PTGER4: variants seen among roughly 807,000 people sequenced by gnomAD.
PTGER4 encodes prostaglandin E receptor 4.
A neutral mutation model predicts 33.2 loss-of-function variants in PTGER4; 11 were observed. The ratio of observed to expected loss-of-function variants is 0.33; its 90% confidence interval spans 0.21 to 0.55. The LOEUF is 0.55. PTGER4 is among the 20% of genes least tolerant of loss of function. PTGER4 has a pLI of 0.92. For missense variants in PTGER4, 481 were observed against 650.2 expected (o/e 0.74, Z 2.83); for synonymous variants, 275 against 281.5 (o/e 0.98, Z 0.23).
At chr5:40,707,262 C>T in the PTGER4 span, among the ~76,000 whole-genome samples, 1 of 152,070 alleles carries the variant, frequency 6.6e-6, no homozygotes, top group Non-Finnish European at 1.5e-5. Context: ...CAAGACCCAT[C>T]GGTGTGCCGT....
At chr5:40,689,687 T>G (rs1220177153) in intron 2 of PTGER4, among the ~76,000 whole-genome samples, 2 of 152,156 alleles carry the variant, frequency 1.3e-5, no homozygotes, top group Non-Finnish European at 2.9e-5. Context: ...ACGCTGTATA[T>G]AGTAAGGCAG....
the PTGER4 span, among the ~76,000 whole-genome samples, chr5:40,705,705 A>T: frequency 6.6e-6 from 1 of 152,172 alleles, no homozygotes; most frequent in Non-Finnish European, 1.5e-5. Context: ...CATAAATGCA[A>T]CCAAAAAGCA....
chr5:40,696,670 C>A, downstream of PTGER4: 2 of 985,026 alleles, frequency 2.0e-6, no homozygotes, highest in South Asian at 9.4e-5. Context: ...CCCCATTTCC[C>A]ACCATGGAAG....
At chr5:40,723,143 C>G in the PTGER4 span, among the ~76,000 whole-genome samples, 1 of 152,046 alleles carries the variant, frequency 6.6e-6, no homozygotes, top group South Asian at 2.1e-4. Context: ...CCCCCAACCC[C>G]GTGCTCTCTG....
chr5:40,739,350 G>C, the PTGER4 span, among the ~76,000 whole-genome samples: 2 of 152,166 alleles, frequency 1.3e-5, no homozygotes, highest in Admixed American at 6.5e-5. Context: ...CGGGAGAACT[G>C]ATGTATTAAC....
chr5:40,742,263 T>G, the PTGER4 span, among the ~76,000 whole-genome samples: 1 of 152,066 alleles, frequency 6.6e-6, no homozygotes, highest in Admixed American at 6.5e-5. Context: ...CATGAGGCAA[T>G]TGCAAGTGAA....
At chr5:40,739,288 G>A in the PTGER4 span, among the ~76,000 whole-genome samples, 2 of 152,070 alleles carry the variant, frequency 1.3e-5, no homozygotes, top group Admixed American at 6.5e-5. Flanking sequence ...TATCTCAAAC[G>A]CAAGCTTGCT....
Position 40,680,888 on chromosome 5 carries a change from C to G in PTGER4, c.-43-63C>G, listed in dbSNP as rs1436989806. The G allele has an allele frequency of 7.8e-6, 11 of 1,413,502 alleles. No individual in the cohort carries two copies. The highest frequency in any genetic ancestry group is 1.4e-5 in the African/African-American group (1 of 69,744). 87.6% of individuals were successfully genotyped at this position (1,413,502 alleles called of 1,614,324 possible). On this transcript the variant is annotated intron_variant, in intron 1 of 2. Coordinates refer to ENST00000302472, the MANE Select transcript of PTGER4 (RefSeq NM_000958.3). This position sits in a 1 kb window ranked among gnomAD's most constrained non-coding sequence, Gnocchi z 5.5. ...AGTGTATCGTTTCTCGGGCGCGGGT[C>G]TAACACCTTACAAGTGGTAATTTCC...
chr5:40,717,673 G>A, the PTGER4 span, among the ~76,000 whole-genome samples: 1 of 152,236 alleles, frequency 6.6e-6, no homozygotes, highest in Non-Finnish European at 1.5e-5. Flanking sequence ...TGCCCTCCAA[G>A]TGAGAATCAT....
the PTGER4 span, among the ~76,000 whole-genome samples, chr5:40,701,810 C>T: frequency 6.6e-6 from 1 of 152,042 alleles, no homozygotes; most frequent in Non-Finnish European, 1.5e-5. Context: ...CAAAGGGATC[C>T]CCATCAGGCT....
the PTGER4 span, chr5:40,714,837 T>C: frequency 6.6e-6 from 1 of 152,256 alleles, no homozygotes; most frequent in Admixed American, 6.5e-5. Context: ...ATCTTTAACA[T>C]AAAGTGGGCT....
In PTGER4 at chr5:40,691,460, G is replaced by T. The variant is rs186633996; in HGVS notation, c.868-319G>T. The stretch of plus-strand genomic sequence containing the variant: ...CTACCAAAATGCTGGGATTACAGGC[G>T]TGAGCCACCGCACCCAGCCTAATGT... On this transcript the variant is annotated intron_variant, in intron 2 of 2. Transcript: ENST00000302472. This position sits in a 1 kb window ranked among gnomAD's most constrained non-coding sequence, Gnocchi z 4.2. Among the ~76,000 whole-genome samples the T allele has an allele frequency of 6.6e-6, 1 of 152,224 alleles. No individual in the cohort carries two copies. Among genetic ancestry groups the T allele is most frequent in the East Asian group, 1.9e-4 (1 of 5,192 alleles).
the PTGER4 span, chr5:40,746,744 G>T: frequency 3.7e-6 from 5 of 1,337,480 alleles, no homozygotes; most frequent in Non-Finnish European, 1.0e-6. Flanking sequence ...ATTACGGACA[G>T]TGAGCTAGAA....
downstream of PTGER4, chr5:40,696,608 A>G: frequency 2.2e-6 from 2 of 908,664 alleles, no homozygotes; most frequent in Non-Finnish European, 2.6e-6. Flanking sequence ...TTCTATCAAC[A>G]TCTCTACCAT....
chr5:40,692,308 C>T lies in PTGER4; in HGVS notation c.1397C>T (p.Ala466Val). The T allele has an allele frequency of 2.5e-6, 4 of 1,613,752 alleles. No homozygotes were observed. The highest frequency in any genetic ancestry group is 1.1e-5 in the South Asian group (1 of 91,068). Residue 466 changes from alanine to valine, a missense_variant, in exon 3 of 3, where the codon GCC becomes GTC. Around this residue, in one of 7 missense-constraint regions of PTGER4, gnomAD observed 172 missense variants for 199.2 expected, o/e 0.86. Transcript: ENST00000302472. ...EAGGSGRAGP[A>V]PKGSSLQVTF... ...GGTGGGAGCGGCAGGGCTGGGCCTG[C>T]CCCTAAGGGGAGCTCCCTGCAAGTC...
the PTGER4 span, among the ~76,000 whole-genome samples, chr5:40,745,513 G>C: frequency 6.6e-6 from 1 of 151,754 alleles, no homozygotes; most frequent in Admixed American, 6.6e-5. Flanking sequence ...GAGGAAATAC[G>C]AGATTGTCCT....
At chr5:40,713,341 T>C in the PTGER4 span, among the ~76,000 whole-genome samples, 1 of 152,156 alleles carries the variant, frequency 6.6e-6, no homozygotes, top group East Asian at 1.9e-4. Flanking sequence ...TTATGTAATT[T>C]TCAAACAACT....
chr5:40,712,061 A>G, the PTGER4 span, among the ~76,000 whole-genome samples: 1 of 152,084 alleles, frequency 6.6e-6, no homozygotes, highest in Non-Finnish European at 1.5e-5. Context: ...GCATTTTATT[A>G]TTTCTAAGTT....
At chr5:40,730,321 A>T in the PTGER4 span, 1 of 1,613,072 alleles carries the variant, frequency 6.2e-7, no homozygotes. Flanking sequence ...GCTTCATCCC[A>T]CTTCTGAATT....
Sources: gnomAD v4.1 joint callset for allele counts (sites outside exome capture counted in the v4.1 genomes callset) on GRCh38, gnomAD v4.1.1 for gene constraint, gnomAD v4.1.1 regional missense constraint, Gnocchi (gnomAD v3.1) non-coding constraint, MANE v1.5 for transcripts, NCBI Gene and HGNC (gene_info 2026-07-23, HGNC 2026-07-21) for gene names.